Variants in PCDHGB1 observed in about 807,000 individuals in gnomAD.
PCDHGB1 encodes the protein protocadherin gamma subfamily B, 1, also known as protocadherin gamma-B1.
In PCDHGB1, 34 loss-of-function variants were observed where a neutral mutation model predicts 56.6. The ratio of observed to expected loss-of-function variants is 0.60; its 90% CI spans 0.46 to 0.80. The LOEUF (loss-of-function observed/expected upper bound fraction) is 0.80. PCDHGB1 is among the 30% of genes least tolerant of loss of function. PCDHGB1 has a pLI of 0.00. For missense variants in PCDHGB1, 1,278 were observed against 1,204.6 expected, an observed-to-expected ratio of 1.06 and a Z score of -0.90; for synonymous variants, 561 against 505.9, an observed-to-expected ratio of 1.11 and a Z score of -1.46.
chr5:141,497,840 C>T (rs1326804289), intron 2 of PCDHGB1, among the ~76,000 whole-genome samples: 1 of 152,154 alleles, frequency 6.6e-6, no homozygotes, highest in Non-Finnish European at 1.5e-5. Context: ...CCGGCCACAA[C>T]AAACATTTTT....
chr5:141,351,477 T>G lies in PCDHGB1; in HGVS notation c.1217T>G (p.Leu406Arg). ...TACAAGCTGGTGATTGCTGGAGCCC[T>G]AAACCGGGAGCAGACAGCAGACTAC... Reference protein sequence around the residue: ...NYYKLVIAGALNREQTADYNV... With the variant: ...NYYKLVIAGARNREQTADYNV... The change falls in exon 1 of 4, where the codon CTA becomes CGA. Residue 406 changes from leucine to arginine, a missense_variant. Physicochemically the swap from Leu to Arg is moderately radical, Grantham distance 102 (BLOSUM62 -2). Transcript: ENST00000523390. 1 of 1,613,832 alleles carries G rather than the reference T, an allele frequency of 6.2e-7. No individual in the cohort carries two copies.
chr5:141,472,337 C>T (rs1327386198), intron 1 of PCDHGB1, among the ~76,000 whole-genome samples: 1 of 151,764 alleles, frequency 6.6e-6, no homozygotes, highest in Non-Finnish European at 1.5e-5. Context: ...GTTGGGAGAT[C>T]GAGACCATCC....
rs1414795207 is a variant in PCDHGB1 at position 141,393,033 on chromosome 5, C to T, written c.2409+40364C>T. On this transcript the variant is annotated intron_variant, in intron 1 of 3. Transcript: ENST00000523390. ...TATCGTCTCCAGAGGTAGGACGCAG[C>T]TCTTTGCTCTGAACCCGCGCAGCGG... is the stretch of plus-strand genomic sequence containing the variant. 4.3e-6 allele frequency: 7 copies of T among 1,613,782 alleles called. No individual in the cohort carries two copies. The highest frequency in any genetic ancestry group is 4.0e-5 in the African/African-American group (3 of 75,052).
intron 1 of PCDHGB1, chr5:141,375,805 C>T: frequency 6.2e-7 from 1 of 1,614,214 alleles, no homozygotes; most frequent in South Asian, 1.1e-5. Flanking sequence ...GTTCCACTGG[C>T]GTGGAGCTGG....
intron 1 of PCDHGB1, chr5:141,361,398 C>A: frequency 6.2e-7 from 1 of 1,614,006 alleles, no homozygotes; most frequent in African/African-American, 1.3e-5. Context: ...ACAATCTCAC[C>A]ATCACAGCCA....
At position 141,486,691 on chromosome 5, in the gene PCDHGB1, T is replaced by C. The variant is rs778748447; in HGVS notation, c.2410-8116T>C. 8 of 1,614,024 alleles carry C rather than the reference T, an allele frequency of 5.0e-6. No individual in the cohort carries two copies. The highest frequency in any genetic ancestry group is 1.3e-5 in the African/African-American group (1 of 74,922). The stretch of plus-strand genomic sequence containing the variant: ...GGAATCGAGATGTATCAGCTTCCTC[T>C]TTCATCTCTCTGAACCCCCAGACAG... On this transcript the variant is annotated intron_variant, in intron 1 of 3. Coordinates refer to ENST00000523390, the MANE Select transcript of PCDHGB1 (RefSeq NM_018922.3). The surrounding 1 kb of genome is among the most constrained non-coding windows in gnomAD (Gnocchi z 5.0).
intron 1 of PCDHGB1, among the ~76,000 whole-genome samples, chr5:141,353,878 T>G (rs1348721823): frequency 6.6e-6 from 1 of 152,244 alleles, no homozygotes; most frequent in Non-Finnish European, 1.5e-5. Flanking sequence ...TCTCAAAGTC[T>G]GAGGGTTTTT....
intron 1 of PCDHGB1, among the ~76,000 whole-genome samples, chr5:141,483,276 TA>T (rs755290434): frequency 2.2e-4 from 33 of 152,238 alleles, no homozygotes; most frequent in Non-Finnish European, 3.8e-4. Context: ...TTAGAAATAT[TA>T]TTCTGTCAGT....
intron 1 of PCDHGB1, chr5:141,408,778 A>G (rs1261786266): frequency 6.2e-7 from 1 of 1,612,198 alleles, no homozygotes; most frequent in Non-Finnish European, 8.5e-7. Flanking sequence ...GCAAATACCC[A>G]GAGTTATCTC....
At chr5:141,435,067 T>C (rs1381741674) in intron 1 of PCDHGB1, among the ~76,000 whole-genome samples, 1 of 152,168 alleles carries the variant, frequency 6.6e-6, no homozygotes, top group African/African-American at 2.4e-5. Flanking sequence ...CAGTTTTGTG[T>C]AGACCGTCTG....
In PCDHGB1 at chr5:141,350,943, G is replaced by A. The variant is rs542251559; in HGVS notation, c.683G>A (p.Arg228Gln). The change falls in exon 1 of 4, where the codon CGA (arginine) becomes CAA (glutamine). Residue 228 changes from arginine (R) to glutamine (Q), a missense_variant. Physicochemically the swap from Arg to Gln is conservative, Grantham distance 43. Transcript: ENST00000523390. ...PLSGTTHIWI[R>Q]VTDANDNAPV... The stretch of plus-strand genomic sequence containing the variant: ...AGCGGCACCACCCATATCTGGATCC[G>A]AGTTACGGATGCCAATGATAATGCT... 3.7e-6 allele frequency: 6 copies of A among 1,614,070 alleles called. No individual in the cohort carries two copies. Among genetic ancestry groups the A allele is most frequent in the Non-Finnish European group, 5.1e-6 (6 of 1,179,904 alleles).
intron 1 of PCDHGB1, chr5:141,394,644 G>C (rs765703225): frequency 1.2e-6 from 2 of 1,613,358 alleles, no homozygotes; most frequent in Admixed American, 3.3e-5. Context: ...CCTGCTCAAG[G>C]CCAGCGAGCC....
At chr5:141,466,036 G>A (rs981390655) in intron 1 of PCDHGB1, among the ~76,000 whole-genome samples, 17 of 152,064 alleles carry the variant, frequency 1.1e-4, no homozygotes, top group Non-Finnish European at 2.5e-4. Flanking sequence ...GCAGGAGAAC[G>A]GCATGAACCC....
At chr5:141,419,753 T>C (rs764151937) in intron 1 of PCDHGB1, 10 of 1,613,856 alleles carry the variant, frequency 6.2e-6, no homozygotes, top group South Asian at 2.2e-5. Context: ...GGTGCGTGCT[T>C]TGGGTGACAA....
intron 1 of PCDHGB1, chr5:141,416,112 T>C (rs555358881): frequency 6.4e-6 from 1 of 156,492 alleles, no homozygotes; most frequent in Non-Finnish European, 1.4e-5. Context: ...TTTTTCAAAC[T>C]ACATTTTATA....
In PCDHGB1 at chr5:141,489,375, G is replaced by A. The variant is rs768190252; in HGVS notation, c.2410-5432G>A. The A allele has an allele frequency of 1.2e-5, 19 of 1,613,826 alleles. No individual in the cohort carries two copies. The Admixed American group carries it at 3.2e-4, about 27-fold the overall frequency. ...AGGAGTCTGAGCCGGGGACGCTGGT[G>A]GGGAATGTTGCTCAGGATCTGGGCT... On this transcript the variant is annotated intron_variant, in intron 1 of 3. Transcript: ENST00000523390. The surrounding 1 kb of genome is among the most constrained non-coding windows in gnomAD (Gnocchi z 4.5).
chr5:141,408,157 T>C (rs748693406), intron 1 of PCDHGB1: 70 of 1,514,372 alleles, frequency 4.6e-5, no homozygotes, highest in Non-Finnish European at 5.9e-5. Flanking sequence ...AGAGTGCACT[T>C]TCTCCAACTG....
intron 1 of PCDHGB1, chr5:141,357,548 A>G: frequency 6.2e-7 from 1 of 1,614,204 alleles, no homozygotes; most frequent in South Asian, 1.1e-5. Context: ...ATCAGCCGGG[A>G]GAGTTGTGAG....
At chr5:141,447,938 T>G in intron 1 of PCDHGB1, among the ~76,000 whole-genome samples, 1 of 151,870 alleles carries the variant, frequency 6.6e-6, no homozygotes, top group Admixed American at 6.6e-5. Flanking sequence ...ATACAAAAAT[T>G]AGCTGGGCAT....
Sources: allele counts gnomAD v4.1 joint callset (sites outside exome capture counted in the v4.1 genomes callset), GRCh38; gene constraint gnomAD v4.1.1; non-coding constraint Gnocchi (gnomAD v3.1); transcripts MANE v1.5; gene names NCBI Gene and HGNC (gene_info 2026-07-23, HGNC 2026-07-21).